PPP1R12B: variants seen among roughly 807,000 people sequenced by gnomAD.
PPP1R12B encodes myosin phosphatase target subunit 2.
A neutral mutation model predicts 126.1 loss-of-function variants in PPP1R12B; 76 were observed. That is an observed-to-expected ratio of 0.60 (90% CI 0.50 to 0.73). PPP1R12B has a LOEUF of 0.73. Ranked by LOEUF, PPP1R12B falls within the 30% of genes least tolerant of loss-of-function variation. PPP1R12B has a pLI of 0.00. For synonymous variants in PPP1R12B, 356 were observed against 434.7 expected (o/e 0.82, Z 2.25); for missense variants, 1,052 against 1,205.1 (o/e 0.87, Z 1.88).
In PPP1R12B at chr1:202,589,951, A is replaced by G. The variant is rs1690040996; in HGVS notation, c.*9391A>G. ...TGACAAAAATGGTAGCTGCTGGTCTATCCTCAAGGAGAGGAGACAGGTGGA... is the reference window on the plus strand; with the variant it reads ...TGACAAAAATGGTAGCTGCTGGTCTGTCCTCAAGGAGAGGAGACAGGTGGA... On this transcript the variant is annotated 3_prime_UTR_variant, in exon 24 of 24. Transcript: ENST00000608999. 1 of 152,224 alleles carries G rather than the reference A, an allele frequency of 6.6e-6. No homozygotes were observed. The highest frequency in any genetic ancestry group is 6.5e-5 in the Admixed American group (1 of 15,278). The allele number at this position is 152,224 out of a possible 1,614,324, so 9.4% of individuals were successfully genotyped here.
intron 18 of PPP1R12B, among the ~76,000 whole-genome samples, chr1:202,529,842 C>T (rs1363921118): frequency 1.3e-5 from 2 of 152,028 alleles, no homozygotes; most frequent in Admixed American, 6.5e-5. Flanking sequence ...GTACCTTTCT[C>T]CTCTGTACCT....
At chr1:202,547,157 A>T (rs1361176456) in intron 18 of PPP1R12B, among the ~76,000 whole-genome samples, 2 of 152,178 alleles carry the variant, frequency 1.3e-5, no homozygotes, top group Non-Finnish European at 2.9e-5. Flanking sequence ...GTGACAAGGG[A>T]TTATTTTTTA....
At chr1:202,550,534 A>ATC in intron 18 of PPP1R12B, among the ~76,000 whole-genome samples, 1 of 152,240 alleles carries the variant, frequency 6.6e-6, no homozygotes, top group Non-Finnish European at 1.5e-5. Flanking sequence ...GGAGGGACTG[A>ATC]TCAGGCTTCT....
rs943032605 is a variant in PPP1R12B, at chr1:202,480,529, T to G, written c.1851-8004T>G. Among the ~76,000 whole-genome samples the G allele has an allele frequency of 2.6e-5, 4 of 152,190 alleles. 1 individual carries two copies. Among genetic ancestry groups the G allele is most frequent in the Admixed American group, 2.6e-4 (4 of 15,276 alleles). Reference sequence around the variant, plus strand: ...CCTGAGTAATTTGGCAGACATTTTCTTGAAAATAAAGTCAACCCATTGAGT... The same window carrying G: ...CCTGAGTAATTTGGCAGACATTTTCGTGAAAATAAAGTCAACCCATTGAGT... On this transcript the variant is annotated intron_variant, in intron 13 of 23. Transcript: ENST00000608999.
intron 9 of PPP1R12B, among the ~76,000 whole-genome samples, chr1:202,436,343 C>G (rs1240376676): frequency 6.6e-6 from 1 of 152,138 alleles, no homozygotes; most frequent in Non-Finnish European, 1.5e-5. Flanking sequence ...AGGCATTTTC[C>G]CCCTTAGAAT....
At chr1:202,350,277 G>A (rs1012866338) in intron 1 of PPP1R12B, among the ~76,000 whole-genome samples, 2 of 151,976 alleles carry the variant, frequency 1.3e-5, no homozygotes, top group Non-Finnish European at 2.9e-5. Context: ...TTCCCCACCT[G>A]AGGTAGTAAC....
chr1:202,453,317 C>A (rs1334920156), intron 13 of PPP1R12B, among the ~76,000 whole-genome samples: 1 of 152,172 alleles, frequency 6.6e-6, no homozygotes, highest in Non-Finnish European at 1.5e-5. Context: ...ATCCTTGCAT[C>A]CCTGGGATAA....
intron 18 of PPP1R12B, among the ~76,000 whole-genome samples, chr1:202,509,931 A>C (rs1681242398): frequency 6.6e-6 from 1 of 152,200 alleles, no homozygotes; most frequent in African/African-American, 2.4e-5. Context: ...TTAATATGTC[A>C]CAGTAAAGAC....
intron 18 of PPP1R12B, among the ~76,000 whole-genome samples, chr1:202,505,089 A>G (rs183795544): frequency 6.6e-6 from 1 of 152,362 alleles, no homozygotes; most frequent in Admixed American, 6.5e-5. Flanking sequence ...CTATAACTCC[A>G]ACATGTGTTC....
chr1:202,591,402 GCTA>G lies in PPP1R12B; in HGVS notation c.*10844_*10846del, dbSNP rs1348447375. On this transcript the variant is annotated 3_prime_UTR_variant, in exon 24 of 24. Transcript: ENST00000608999. ...GGGGCCAGGGGCCGCAGGCAGGGGG[GCTA>G]CCTGTCCCTCTCAGTTCAACAGGAT... is the stretch of plus-strand genomic sequence containing the variant. 2 of 152,572 alleles carry G rather than the reference GCTA, an allele frequency of 1.3e-5. No homozygotes were observed. Among genetic ancestry groups the G allele is most frequent in the African/African-American group, 2.4e-5 (1 of 41,464 alleles). 9.5% of individuals were successfully genotyped at this position (152,572 alleles called of 1,614,324 possible).
chr1:202,540,378 G>A (rs1456129514), intron 18 of PPP1R12B: 3 of 606,512 alleles, frequency 4.9e-6, no homozygotes, highest in Non-Finnish European at 8.0e-6. Context: ...AAAAAAAATT[G>A]CAAGTAAAGA....
intron 1 of PPP1R12B, among the ~76,000 whole-genome samples, chr1:202,404,602 C>T (rs1558184105): frequency 6.6e-6 from 1 of 152,182 alleles, no homozygotes; most frequent in South Asian, 2.1e-4. Flanking sequence ...CAGCTTCAAG[C>T]GGTTCTCCTG....
intron 18 of PPP1R12B, among the ~76,000 whole-genome samples, chr1:202,499,633 C>A (rs1184730682): frequency 6.6e-6 from 1 of 152,202 alleles, no homozygotes; most frequent in Non-Finnish European, 1.5e-5. Flanking sequence ...CAGAGTTAGA[C>A]CTAAATGATT....
chr1:202,430,731 C>G lies in PPP1R12B; in HGVS notation c.922C>G (p.Leu308Val). The change falls in exon 7 of 24, where the codon CTT (leucine) becomes GTT (valine). Residue 308 changes from leucine (L) to valine (V), a missense_variant and splice_region_variant. By Grantham distance (32) the Leu-to-Val change is conservative. Coordinates refer to ENST00000608999, the MANE Select transcript of PPP1R12B (RefSeq NM_002481.4). ...LELLQKKQNV[L>V]RSEKETRNKL... ...TTCTCTCTGTTTTCTCCATTTCCAG[C>G]TTCGAAGTGAAAAGGAGACACGGAA... 3.1e-6 allele frequency: 5 copies of G among 1,611,864 alleles called. No individual in the cohort carries two copies. The Middle Eastern group carries it at 5.0e-4, about 160-fold the overall frequency.
intron 18 of PPP1R12B, among the ~76,000 whole-genome samples, chr1:202,526,542 C>G (rs1398155112): frequency 6.6e-6 from 1 of 151,848 alleles, no homozygotes; most frequent in Admixed American, 6.6e-5. Context: ...ATAGTTTTGC[C>G]AAGCACTATG....
chr1:202,439,186 C>G, intron 10 of PPP1R12B: 1 of 1,529,968 alleles, frequency 6.5e-7, no homozygotes, highest in Non-Finnish European at 9.1e-7. Flanking sequence ...AGCTGAAGCT[C>G]GACCACTACT....
At chr1:202,487,032 A>G (rs1007694239) in intron 13 of PPP1R12B, among the ~76,000 whole-genome samples, 4 of 152,226 alleles carry the variant, frequency 2.6e-5, no homozygotes, top group African/African-American at 7.2e-5. Flanking sequence ...TGTGGTAGGA[A>G]TTCTAAACTA....
At chr1:202,454,406 A>G (rs1272963437) in intron 13 of PPP1R12B, among the ~76,000 whole-genome samples, 1 of 152,234 alleles carries the variant, frequency 6.6e-6, no homozygotes, top group Admixed American at 6.5e-5. Flanking sequence ...TTCACTGGAT[A>G]TGTTCTAGCA....
At chr1:202,564,980 G>A (rs925533) in intron 21 of PPP1R12B, among the ~76,000 whole-genome samples, 62,383 of 152,004 alleles carry the variant, frequency 0.41, 14,759 homozygotes, top group East Asian at 0.7. Context: ...AGAGAAGTAA[G>A]TGGTTTGCTT....
Sources: allele counts gnomAD v4.1 joint callset (sites outside exome capture counted in the v4.1 genomes callset), GRCh38; gene constraint gnomAD v4.1.1; transcripts MANE v1.5; gene names NCBI Gene and HGNC (gene_info 2026-07-23, HGNC 2026-07-21).